The following RETREG1 variants were observed in gnomAD, a reference collection of about 807,000 sequenced individuals.
RETREG1 encodes the protein family with sequence similarity 134 member B.
RETREG1 carries 44 observed loss-of-function variants against 54.8 expected under a neutral mutation model. The ratio of observed to expected loss-of-function variants is 0.80; its 90% CI spans 0.63 to 1.03. The LOEUF is 1.03. Among genes scored for constraint, RETREG1 ranks in the 50% least tolerant of loss-of-function variants. RETREG1 has a pLI of 0.00. For missense variants in RETREG1, 554 were observed against 605.1 expected, an observed-to-expected ratio of 0.92 and a Z score of 0.89; for synonymous variants, 217 against 238.5, an observed-to-expected ratio of 0.91 and a Z score of 0.83.
At chr5:16,481,695 G>GA (rs1349866336) in intron 4 of RETREG1, among the ~76,000 whole-genome samples, 1 of 151,796 alleles carries the variant, frequency 6.6e-6, no homozygotes, top group African/African-American at 2.4e-5. Flanking sequence ...AAGTCACCTA[G>GA]AAAAAAACTG....
intron 3 of RETREG1, among the ~76,000 whole-genome samples, chr5:16,558,731 C>A (rs1216294443): frequency 6.6e-6 from 1 of 152,208 alleles, no homozygotes; most frequent in Non-Finnish European, 1.5e-5. Context: ...CTAGTAGTTA[C>A]AACACATGAA....
intron 5 of RETREG1, among the ~76,000 whole-genome samples, chr5:16,479,750 G>A (rs750084202): frequency 5.3e-5 from 8 of 151,920 alleles, no homozygotes; most frequent in Admixed American, 1.3e-4. Context: ...TTCTTTGTTC[G>A]TTTTAGGAAG....
chr5:16,613,566 A>G (rs1017799264), intron 1 of RETREG1, among the ~76,000 whole-genome samples: 11 of 152,240 alleles, frequency 7.2e-5, no homozygotes, highest in Non-Finnish European at 1.5e-4. Context: ...GGCAGGTAAT[A>G]AATGTTGAAG....
chr5:16,589,214 C>T (rs143101380), intron 1 of RETREG1, among the ~76,000 whole-genome samples: 30 of 152,246 alleles, frequency 2.0e-4, no homozygotes, highest in Admixed American at 3.3e-4. Context: ...TATTTGGATA[C>T]ATTCAAGGGG....
rs34637909 is a variant in RETREG1 at position 16,556,164 on chromosome 5, CT to C, written c.458+9598del. The stretch of plus-strand genomic sequence containing the variant: ...GCCACAGGAAACACCTTTTTTTTTT[CT>C]TTTTTTTTTTGGAGACAGAGTCTCG... On this transcript the variant is annotated intron_variant, in intron 3 of 8. Coordinates refer to ENST00000306320, the MANE Select transcript of RETREG1 (RefSeq NM_001034850.3). 8.9e-4 allele frequency among the ~76,000 whole-genome samples: 130 copies of C among 145,804 alleles called. 1 individual carries two copies. Among genetic ancestry groups the C allele is most frequent in the Admixed American group, 1.6e-3 (24 of 14,724 alleles).
At chr5:16,496,974 C>G (rs1245937474) in intron 3 of RETREG1, among the ~76,000 whole-genome samples, 7 of 152,144 alleles carry the variant, frequency 4.6e-5, no homozygotes. Context: ...GATTTGGGCC[C>G]AGGCACAGGA....
chr5:16,503,679 GAA>G (rs1241840728), intron 3 of RETREG1, among the ~76,000 whole-genome samples: 1 of 96,942 alleles, frequency 1.0e-5, no homozygotes, highest in Non-Finnish European at 2.3e-5. Flanking sequence ...AAAAAAAAAA[GAA>G]AGAAAGAAAG....
intron 1 of RETREG1, among the ~76,000 whole-genome samples, chr5:16,598,786 A>G (rs1299075858): frequency 1.3e-5 from 2 of 152,162 alleles, no homozygotes; most frequent in Admixed American, 6.5e-5. Context: ...GAGGACCACT[A>G]CAGTTAAAGT....
chr5:16,509,724 C>CAAAA (rs1195621381), intron 3 of RETREG1, among the ~76,000 whole-genome samples: 31 of 152,102 alleles, frequency 2.0e-4, no homozygotes, highest in African/African-American at 7.0e-4. Context: ...TTGCCAGGTG[C>CAAAA]TGTGGCTCAC....
intron 3 of RETREG1, among the ~76,000 whole-genome samples, chr5:16,555,746 G>A (rs2019248): frequency 0.82 from 124,976 of 152,110 alleles, 51,324 homozygotes; most frequent in Middle Eastern, 0.88. Context: ...ATGCTACTAG[G>A]CAAATATGAC....
intron 3 of RETREG1, among the ~76,000 whole-genome samples, chr5:16,505,057 C>T (rs533969565): frequency 1.3e-5 from 2 of 152,300 alleles, no homozygotes; most frequent in East Asian, 1.9e-4. Context: ...AATGACGTTT[C>T]GGCTTTAAAA....
At chr5:16,558,333 C>T (rs927467505) in intron 3 of RETREG1, among the ~76,000 whole-genome samples, 1 of 152,188 alleles carries the variant, frequency 6.6e-6, no homozygotes, top group African/African-American at 2.4e-5. Flanking sequence ...CCTGCCCTTC[C>T]ATCTTCACCA....
chr5:16,615,298 G>A (rs567460592), intron 1 of RETREG1, among the ~76,000 whole-genome samples: 1 of 151,218 alleles, frequency 6.6e-6, no homozygotes, highest in African/African-American at 2.4e-5. Flanking sequence ...TACTCGGGAG[G>A]CTGAGGCAGG....
chr5:16,519,515 G>C (rs1444175017), intron 3 of RETREG1, among the ~76,000 whole-genome samples: 1 of 152,188 alleles, frequency 6.6e-6, no homozygotes, highest in Non-Finnish European at 1.5e-5. Flanking sequence ...ATAATAATTA[G>C]ATCAGACTTA....
intron 3 of RETREG1, among the ~76,000 whole-genome samples, chr5:16,543,606 G>A (rs1741305936): frequency 6.6e-6 from 1 of 151,708 alleles, no homozygotes; most frequent in Admixed American, 6.6e-5. Flanking sequence ...AACCCAGGAG[G>A]CGGAGGTTGC....
intron 1 of RETREG1, among the ~76,000 whole-genome samples, chr5:16,586,945 G>C (rs1029802195): frequency 6.6e-6 from 1 of 152,192 alleles, no homozygotes; most frequent in Non-Finnish European, 1.5e-5. Flanking sequence ...GGTAGAAGGG[G>C]CAAAAGATCT....
intron 3 of RETREG1, chr5:16,509,116 G>A: frequency 1.4e-6 from 1 of 703,888 alleles, no homozygotes; most frequent in Middle Eastern, 7.3e-4. Context: ...ACATCACCCT[G>A]GGCTATCAAA....
chr5:16,497,922 G>T (rs2126544484), intron 3 of RETREG1, among the ~76,000 whole-genome samples: 1 of 152,278 alleles, frequency 6.6e-6, no homozygotes, highest in South Asian at 2.1e-4. Flanking sequence ...AAAAAAGAGG[G>T]TTATCAGTTA....
chr5:16,488,658 C>T (rs1355774868), intron 3 of RETREG1, among the ~76,000 whole-genome samples: 3 of 152,160 alleles, frequency 2.0e-5, no homozygotes, highest in African/African-American at 7.2e-5. Context: ...AAGAATGACA[C>T]CTAGTCCCAC....
Sources: gnomAD v4.1 joint callset for allele counts (sites outside exome capture counted in the v4.1 genomes callset) on GRCh38, gnomAD v4.1.1 for gene constraint, MANE v1.5 for transcripts, NCBI Gene and HGNC (gene_info 2026-07-23, HGNC 2026-07-21) for gene names.